The following SLC35F4 variants were observed in gnomAD, a reference collection of about 807,000 sequenced individuals.
SLC35F4 encodes chromosome 14 open reading frame 36.
In SLC35F4, 24 loss-of-function variants were observed where a neutral mutation model predicts 44.2. The ratio of observed to expected loss-of-function variants is 0.54; its 90% confidence interval spans 0.39 to 0.76. The LOEUF (loss-of-function observed/expected upper bound fraction) is 0.76, where lower values mean the gene tolerates loss of function less well. SLC35F4 is among the 30% of genes least tolerant of loss of function. The pLI is 0.00. For synonymous variants in SLC35F4, 238 were observed against 223.6 expected (o/e 1.06, Z -0.57); for missense variants, 562 against 586.1 (o/e 0.96, Z 0.42).
chr14:57,775,135 C>T (rs2077457285), intron 1 of SLC35F4, among the ~76,000 whole-genome samples: 1 of 152,248 alleles, frequency 6.6e-6, no homozygotes, highest in African/African-American at 2.4e-5. Context: ...ACCAGCACCC[C>T]ACCCCTGTGC....
At chr14:57,877,355 G>A (rs749743207) in intron 1 of SLC35F4, among the ~76,000 whole-genome samples, 2 of 152,086 alleles carry the variant, frequency 1.3e-5, no homozygotes, top group African/African-American at 2.4e-5. Context: ...ATGACTCTGT[G>A]GCATTCCATG....
intron 1 of SLC35F4, among the ~76,000 whole-genome samples, chr14:57,843,056 G>A (rs1885646864): frequency 6.6e-6 from 1 of 152,082 alleles, no homozygotes; most frequent in South Asian, 2.1e-4. Flanking sequence ...TGATTTGCCA[G>A]GGGCTATCGA....
intron 1 of SLC35F4, among the ~76,000 whole-genome samples, chr14:57,778,355 C>A (rs1350162252): frequency 6.6e-6 from 1 of 151,892 alleles, no homozygotes; most frequent in African/African-American, 2.4e-5. Flanking sequence ...AGACTTTAAA[C>A]CAACAAAGAT....
At chr14:57,750,013 G>A (rs115684680) in intron 1 of SLC35F4, among the ~76,000 whole-genome samples, 264 of 152,124 alleles carry the variant, frequency 1.7e-3, no homozygotes, top group African/African-American at 6.1e-3. Flanking sequence ...TGTTGTACTC[G>A]TTAAGTAATT....
intron 1 of SLC35F4, among the ~76,000 whole-genome samples, chr14:57,762,169 T>C (rs1249662769): frequency 6.6e-6 from 1 of 152,164 alleles, no homozygotes. Flanking sequence ...GCATTCCTGC[T>C]GCTAGGATTG....
rs138590969 is a variant in SLC35F4, at chr14:57,573,173, G to A, written c.808-1154C>T. ...CGTAGATTTTTAACATGTAATTACT[G>A]ACTCGCTTGAGGCCACTGCAAAGTA... On this transcript the variant is annotated intron_variant, in intron 4 of 7. Coordinates refer to ENST00000556826, the MANE Select transcript of SLC35F4 (RefSeq NM_001306087.2). Among the ~76,000 whole-genome samples the A allele has an allele frequency of 1.1e-3, 161 of 152,244 alleles. 1 individual carries two copies. The highest frequency in any genetic ancestry group is 6.8e-3 in the East Asian group (35 of 5,184).
At chr14:57,937,679 G>C (rs899850046) in intron 1 of SLC35F4, among the ~76,000 whole-genome samples, 1 of 151,640 alleles carries the variant, frequency 6.6e-6, no homozygotes, top group African/African-American at 2.4e-5. Context: ...ATATCACAAA[G>C]GATAAAAGAT....
chr14:57,763,253 T>C (rs1036617008), intron 1 of SLC35F4, among the ~76,000 whole-genome samples: 1 of 152,186 alleles, frequency 6.6e-6, no homozygotes, highest in Non-Finnish European at 1.5e-5. Context: ...AATATCAATA[T>C]ACTCAGCTTC....
At chr14:57,666,389 A>G (rs1417268799) in intron 1 of SLC35F4, among the ~76,000 whole-genome samples, 1 of 152,202 alleles carries the variant, frequency 6.6e-6, no homozygotes, top group Non-Finnish European at 1.5e-5. Context: ...CCAGGACCTA[A>G]CAGCCTCCAG....
intron 1 of SLC35F4, among the ~76,000 whole-genome samples, chr14:57,770,999 T>A (rs1468166458): frequency 6.6e-6 from 1 of 152,286 alleles, no homozygotes; most frequent in East Asian, 1.9e-4. Flanking sequence ...CAATTGTAAA[T>A]TTCAAATCAA....
chr14:57,972,502 GA>G (rs1293530054), downstream of SLC35F4, among the ~76,000 whole-genome samples: 5 of 150,332 alleles, frequency 3.3e-5, no homozygotes, highest in Non-Finnish European at 7.4e-5. Context: ...CTTTGGTAGG[GA>G]AAAAAAGGAA....
chr14:57,649,976 A>G (rs1039345520), intron 1 of SLC35F4, among the ~76,000 whole-genome samples: 1 of 152,002 alleles, frequency 6.6e-6, no homozygotes, highest in African/African-American at 2.4e-5. Flanking sequence ...CACTGGGTAT[A>G]TTGGACCTTT....
intron 2 of SLC35F4, among the ~76,000 whole-genome samples, chr14:57,592,882 G>T (rs140413056): frequency 6.6e-6 from 1 of 151,990 alleles, no homozygotes; most frequent in South Asian, 2.1e-4. Flanking sequence ...TATTTTGGTG[G>T]TGTATTTTGT....
At chr14:57,670,347 CTTAAG>C (rs1344632542) in intron 1 of SLC35F4, among the ~76,000 whole-genome samples, 4 of 151,968 alleles carry the variant, frequency 2.6e-5, no homozygotes, top group African/African-American at 9.7e-5. Flanking sequence ...GTGCTCAGAT[CTTAAG>C]TTATTTCTTG....
chr14:57,617,130 C>CTTTTTTTTTTT lies in SLC35F4; in HGVS notation c.104-23017_104-23007dup, dbSNP rs3054446. ...CGAGCTCAGCTTAACTGTACTTATT[C>CTTTTTTTTTTT]TTTTTTTTTTTTTTTTTTGAGACAG... On this transcript the variant is annotated intron_variant, in intron 1 of 7. Transcript: ENST00000556826. Among the ~76,000 whole-genome samples, 54 of 99,258 alleles carry CTTTTTTTTTTT rather than the reference C, an allele frequency of 5.4e-4. 2 individuals are homozygous for CTTTTTTTTTTT. The highest frequency in any genetic ancestry group is 7.8e-4 in the Non-Finnish European group (41 of 52,454). The allele number at this position is 99,258 out of a possible 152,430, so 65.1% of individuals were successfully genotyped here.
At chr14:57,951,285 A>G (rs962969203) in intron 1 of SLC35F4, among the ~76,000 whole-genome samples, 1 of 152,180 alleles carries the variant, frequency 6.6e-6, no homozygotes, top group Non-Finnish European at 1.5e-5. Flanking sequence ...TGGTCTTCAC[A>G]ACCTGCAGAC....
intron 1 of SLC35F4, among the ~76,000 whole-genome samples, chr14:57,606,033 G>A (rs962494916): frequency 5.9e-5 from 9 of 152,202 alleles, no homozygotes; most frequent in Admixed American, 3.9e-4. Context: ...CCTGGGTGAC[G>A]GATTCATTTG....
chr14:57,644,612 A>T (rs1244384025), intron 1 of SLC35F4, among the ~76,000 whole-genome samples: 2 of 152,000 alleles, frequency 1.3e-5, no homozygotes, highest in Non-Finnish European at 2.9e-5. Flanking sequence ...GAAGCTCTTT[A>T]GTTTAATTAG....
chr14:57,891,220 G>A (rs1888756593), intron 1 of SLC35F4, among the ~76,000 whole-genome samples: 1 of 152,118 alleles, frequency 6.6e-6, no homozygotes, highest in South Asian at 2.1e-4. Context: ...AAAGTTTCTT[G>A]TGCCTAAGAT....
Sources: gnomAD v4.1 joint callset for allele counts (sites outside exome capture counted in the v4.1 genomes callset) on GRCh38, gnomAD v4.1.1 for gene constraint, MANE v1.5 for transcripts, NCBI Gene and HGNC (gene_info 2026-07-23, HGNC 2026-07-21) for gene names.